NOCT: variants seen among roughly 807,000 people sequenced by gnomAD.
The protein encoded by NOCT is nocturnin.
A neutral mutation model predicts 35.0 loss-of-function variants in NOCT; 18 were observed. The observed-to-expected ratio is 0.51, with a 90% CI of 0.36 to 0.76. NOCT has a LOEUF of 0.76. NOCT is among the 30% of genes least tolerant of loss of function. NOCT has a pLI of 0.01. For missense variants in NOCT, 479 were observed against 541.0 expected (o/e 0.89, Z 1.14); for synonymous variants, 235 against 226.3 (o/e 1.04, Z -0.34).
intron 1 of NOCT, among the ~76,000 whole-genome samples, chr4:139,018,876 G>A (rs1726361906): frequency 6.6e-6 from 1 of 152,156 alleles, no homozygotes; most frequent in Admixed American, 6.6e-5. Context: ...CTTGAAGCAT[G>A]GTTAGGATTG....
rs765227776 is a variant in NOCT, at chr4:139,045,273, G to T, written c.1095G>T (p.Lys365Asn). The T allele has an allele frequency of 1.9e-6, 3 of 1,614,154 alleles. No homozygotes were observed. The highest frequency in any genetic ancestry group is 2.5e-6 in the Non-Finnish European group (3 of 1,180,038). ...GQSEPPYTTW[K>N]IRTSGECRHT... is the part of the protein sequence containing the mutation. ...CAGAACCCCCATACACTACCTGGAAGATCCGGACCTCAGGGGAGTGCAGGC... is the reference window on the plus strand; with the variant it reads ...CAGAACCCCCATACACTACCTGGAATATCCGGACCTCAGGGGAGTGCAGGC... Residue 365 changes from lysine to asparagine, a missense_variant, in exon 3 of 3, where the codon AAG becomes AAT. Transcript: ENST00000280614.
In NOCT at chr4:139,042,934, AAAG is replaced by A. The variant is rs959547208; in HGVS notation, c.191-137_191-135del. The A allele has an allele frequency of 7.3e-5, 52 of 710,168 alleles. No individual in the cohort carries two copies. In the African/African-American group the frequency reaches 7.7e-4, roughly 11 times the overall value. 44.0% of individuals were successfully genotyped at this position (710,168 alleles called of 1,614,324 possible). A position where few individuals can be genotyped will look rare whatever the true frequency, so the allele number is the denominator to read the frequency against. ...CATCTCAAAAAAAAAAAAAAAGAAA[AAAG>A]AAATGGCTTTATACACTATTATGGC... On this transcript the variant is annotated intron_variant, in intron 1 of 2. Transcript: ENST00000280614.
At position 139,045,451 on chromosome 4, in the gene NOCT, G is replaced by A. The variant is rs1190514563; in HGVS notation, c.1273G>A (p.Glu425Lys). The change falls in exon 3 of 3, where the codon GAG becomes AAG. Residue 425 changes from glutamate (E) to lysine (K), a missense_variant. Transcript: ENST00000280614. ...LSLVCDFSFT[E>K]ESDGLS Reference sequence around the variant, plus strand: ...TCTAGTGTGTGACTTCAGCTTTACTGAGGAATCTGATGGACTTTCATAAAT... The same window carrying A: ...TCTAGTGTGTGACTTCAGCTTTACTAAGGAATCTGATGGACTTTCATAAAT... The A allele has an allele frequency of 7.5e-6, 12 of 1,590,232 alleles. No homozygotes were observed. Among genetic ancestry groups the A allele is most frequent in the Non-Finnish European group, 1.0e-5 (12 of 1,163,144 alleles).
At chr4:139,016,415 C>A (rs911765320) in intron 1 of NOCT, among the ~76,000 whole-genome samples, 2 of 152,104 alleles carry the variant, frequency 1.3e-5, no homozygotes, top group African/African-American at 4.8e-5. Context: ...TCCCGCTTGA[C>A]CCTTAGAGGC....
At chr4:139,037,289 A>T (rs923880017) in intron 1 of NOCT, among the ~76,000 whole-genome samples, 1 of 152,226 alleles carries the variant, frequency 6.6e-6, no homozygotes, top group Non-Finnish European at 1.5e-5. Flanking sequence ...ACAAGTACAA[A>T]AGGGCTATGC....
intron 1 of NOCT, among the ~76,000 whole-genome samples, chr4:139,040,872 TTTTG>T (rs969500559): frequency 2.6e-5 from 4 of 152,046 alleles, no homozygotes; most frequent in South Asian, 4.1e-4. Context: ...TTTGGCTGTT[TTTTG>T]TTTGTTTTCC....
At position 139,045,505 on chromosome 4, in the gene NOCT, G is replaced by GT; in HGVS notation, c.*32dup. 9.7e-6 allele frequency: 5 copies of GT among 515,040 alleles called. No homozygotes were observed. The highest frequency in any genetic ancestry group is 2.5e-5 in the African/African-American group (1 of 39,534). 31.9% of individuals were successfully genotyped at this position (515,040 alleles called of 1,614,324 possible). A position where few individuals can be genotyped will look rare whatever the true frequency, so the allele number is the denominator to read the frequency against. On this transcript the variant is annotated 3_prime_UTR_variant, in exon 3 of 3. Coordinates refer to ENST00000280614, the MANE Select transcript of NOCT (RefSeq NM_012118.4). ...TGCTTTTGTCTTTTTAATCACAGGAGTCTATTTTTTTTTTTTTTTTTTTTT... is the reference window on the plus strand; with the variant it reads ...TGCTTTTGTCTTTTTAATCACAGGAGTTCTATTTTTTTTTTTTTTTTTTTTT...
Position 139,044,828 on chromosome 4 carries a change from T to C in NOCT, c.650T>C (p.Phe217Ser), listed in dbSNP as rs144952738. Residue 217 changes from phenylalanine (F) to serine (S), a missense_variant, in exon 3 of 3, where the codon TTC becomes TCC. Physicochemically the swap from Phe to Ser is radical, Grantham distance 155. Transcript: ENST00000280614. Reference sequence around the variant, plus strand: ...AGACTAGGCTATCAAGGCACGTTTTTCCCCAAACCCTGGTCACCTTGTCTA... The same window carrying C: ...AGACTAGGCTATCAAGGCACGTTTTCCCCCAAACCCTGGTCACCTTGTCTA... ...LSRLGYQGTF[F>S]PKPWSPCLDV... 6 of 1,614,226 alleles carry C rather than the reference T, an allele frequency of 3.7e-6. No homozygotes were observed. Among genetic ancestry groups the C allele is most frequent in the Non-Finnish European group, 5.1e-6 (6 of 1,180,038 alleles).
At chr4:139,025,332 T>TG (rs1250654225) in intron 1 of NOCT, among the ~76,000 whole-genome samples, 2 of 152,194 alleles carry the variant, frequency 1.3e-5, no homozygotes, top group Non-Finnish European at 2.9e-5. Context: ...TGATTCAGCT[T>TG]GGAGTTTCTT....
chr4:139,030,077 A>G (rs1219801837), intron 1 of NOCT, among the ~76,000 whole-genome samples: 2 of 152,138 alleles, frequency 1.3e-5, no homozygotes, highest in South Asian at 2.1e-4. Flanking sequence ...TTTTTAGTAG[A>G]GACAGGGTTG....
intron 1 of NOCT, among the ~76,000 whole-genome samples, chr4:139,027,880 C>A (rs1726553367): frequency 6.6e-6 from 1 of 152,112 alleles, no homozygotes; most frequent in Non-Finnish European, 1.5e-5. Context: ...CCCCCCTCCC[C>A]CTACCATTTA....
chr4:139,020,088 A>C lies in NOCT; in HGVS notation c.190+3917A>C, dbSNP rs75832845. ...TGGAATAAATTGCTTTCCTTGTGGG[A>C]AAACTAATGTATGATTTTTCTGTTA... On this transcript the variant is annotated intron_variant, in intron 1 of 2. Coordinates refer to ENST00000280614, the MANE Select transcript of NOCT (RefSeq NM_012118.4). Among the ~76,000 whole-genome samples, 266 of 152,334 alleles carry C rather than the reference A, an allele frequency of 1.7e-3. 2 individuals are homozygous for C. Among genetic ancestry groups the C allele is most frequent in the Middle Eastern group, 0.01 (3 of 294 alleles).
chr4:139,042,490 G>T (rs1182236888), intron 1 of NOCT, among the ~76,000 whole-genome samples: 1 of 152,178 alleles, frequency 6.6e-6, no homozygotes, highest in African/African-American at 2.4e-5. Flanking sequence ...AGGCCATCAA[G>T]ATCAAAGTAT....
At chr4:139,036,861 G>T (rs1330102503) in intron 1 of NOCT, among the ~76,000 whole-genome samples, 8 of 152,186 alleles carry the variant, frequency 5.3e-5, no homozygotes, top group African/African-American at 1.7e-4. Context: ...TGCCAGTGAT[G>T]GTCCCACTGT....
intron 1 of NOCT, among the ~76,000 whole-genome samples, chr4:139,031,566 C>G (rs1470599600): frequency 6.6e-6 from 1 of 152,136 alleles, no homozygotes; most frequent in Non-Finnish European, 1.5e-5. Context: ...GAAGGTGTTT[C>G]ATTGCAGCCC....
rs546346607 is a variant in NOCT at position 139,045,509 on chromosome 4, ATTTTTTTTTTT to A, written c.*50_*60del. 85 of 379,718 alleles carry A rather than the reference ATTTTTTTTTTT, an allele frequency of 2.2e-4. 1 individual carries two copies. Among genetic ancestry groups the A allele is most frequent in the African/African-American group, 1.1e-3 (31 of 28,386 alleles). The allele number at this position is 379,718 out of a possible 1,614,324, so 23.5% of individuals were successfully genotyped here. On this transcript the variant is annotated 3_prime_UTR_variant, in exon 3 of 3. Transcript: ENST00000280614. ...TTTGTCTTTTTAATCACAGGAGTCT[ATTTTTTTTTTT>A]TTTTTTTTTTTTTTGAGACAGAGTC...
intron 2 of NOCT, 132 bp downstream of exon 2, chr4:139,043,475 G>C (rs1158876133): frequency 1.2e-6 from 1 of 844,290 alleles, no homozygotes; most frequent in African/African-American, 1.7e-5. Flanking sequence ...CAGCAGCATG[G>C]AGAGCTCCTA....
intron 1 of NOCT, among the ~76,000 whole-genome samples, chr4:139,036,384 T>TG (rs1209279435): frequency 6.6e-6 from 1 of 152,176 alleles, no homozygotes; most frequent in African/African-American, 2.4e-5. Flanking sequence ...TGTGAGCCAC[T>TG]GTGCCTGGCT....
At position 139,045,438 on chromosome 4, in the gene NOCT, C is replaced by G; in HGVS notation, c.1260C>G (p.Asp420Glu). 1.9e-6 allele frequency: 3 copies of G among 1,607,188 alleles called. No homozygotes were observed. Among genetic ancestry groups the G allele is most frequent in the Non-Finnish European group, 2.6e-6 (3 of 1,175,390 alleles). The change falls in exon 3 of 3, where the codon GAC becomes GAG. Residue 420 changes from aspartate to glutamate, a missense_variant. Coordinates refer to ENST00000280614, the MANE Select transcript of NOCT (RefSeq NM_012118.4). ...YPSDHLSLVC[D>E]FSFTEESDGL... ...CAGACCACCTGTCTCTAGTGTGTGA[C>G]TTCAGCTTTACTGAGGAATCTGATG...
Sources: gnomAD v4.1 joint callset for allele counts (sites outside exome capture counted in the v4.1 genomes callset) on GRCh38, gnomAD v4.1.1 for gene constraint, MANE v1.5 for transcripts, NCBI Gene and HGNC (gene_info 2026-07-23, HGNC 2026-07-21) for gene names.